The following SLC8A1 variants were observed in gnomAD, a reference collection of about 807,000 sequenced individuals.
The protein encoded by SLC8A1 is sodium/calcium exchanger 1.
A neutral mutation model predicts 68.3 loss-of-function variants in SLC8A1; 18 were observed. That is an observed-to-expected ratio of 0.26 (90% confidence interval 0.18 to 0.39). The LOEUF (loss-of-function observed/expected upper bound fraction) is 0.39, where lower values mean the gene tolerates loss of function less well. Among genes scored for constraint, SLC8A1 ranks in the 10% least tolerant of loss-of-function variants. The pLI is 1.00. For synonymous variants in SLC8A1, 475 were observed against 415.5 expected (o/e 1.14, Z -1.74); for missense variants, 985 against 1,156.7 (o/e 0.85, Z 2.15).
At chr2:40,295,609 G>A (rs1411159605) in intron 2 of SLC8A1, among the ~76,000 whole-genome samples, 3 of 152,052 alleles carry the variant, frequency 2.0e-5, no homozygotes, top group Non-Finnish European at 4.4e-5. Flanking sequence ...ATGCTAAAAG[G>A]GAGGATTACG....
At chr2:40,500,050 T>C (rs780467903) in intron 1 of SLC8A1, among the ~76,000 whole-genome samples, 4 of 152,112 alleles carry the variant, frequency 2.6e-5, no homozygotes, top group Non-Finnish European at 5.9e-5. Flanking sequence ...GTTTCTAGAC[T>C]GTGGTTTGTG....
chr2:40,506,781 C>T (rs1706397906), intron 1 of SLC8A1, among the ~76,000 whole-genome samples: 1 of 151,752 alleles, frequency 6.6e-6, no homozygotes, highest in Non-Finnish European at 1.5e-5. Flanking sequence ...TTAATGATAG[C>T]AAAATCATCT....
chr2:40,284,312 T>C (rs1352642132), intron 2 of SLC8A1, among the ~76,000 whole-genome samples: 4 of 148,558 alleles, frequency 2.7e-5, no homozygotes, highest in African/African-American at 4.9e-5. Flanking sequence ...AGAAATGTTA[T>C]AGATATTGAC....
chr2:40,212,300 T>TTTTTTTTC (rs1409196220), intron 2 of SLC8A1, among the ~76,000 whole-genome samples: 1 of 150,320 alleles, frequency 6.7e-6, no homozygotes, highest in Non-Finnish European at 1.5e-5. Flanking sequence ...TTTTTTTTTT[T>TTTTTTTTC]TCCTGAGACA....
chr2:40,339,419 T>A (rs1667010567), intron 2 of SLC8A1, among the ~76,000 whole-genome samples: 1 of 152,202 alleles, frequency 6.6e-6, no homozygotes, highest in East Asian at 1.9e-4. Context: ...TACAGAGAAG[T>A]TGAGGGCTCT....
chr2:40,388,289 A>ATG (rs1230399846), intron 2 of SLC8A1, among the ~76,000 whole-genome samples: 3 of 152,172 alleles, frequency 2.0e-5, no homozygotes, highest in African/African-American at 4.8e-5. Context: ...GATCACATTA[A>ATG]TGTGTGTGTG....
At chr2:40,389,789 A>C (rs1040759087) in intron 2 of SLC8A1, among the ~76,000 whole-genome samples, 1 of 151,048 alleles carries the variant, frequency 6.6e-6, no homozygotes, top group Non-Finnish European at 1.5e-5. Context: ...TATGATGGAC[A>C]CTTAAAAATT....
chr2:40,157,309 G>A (rs1171172130), intron 6 of SLC8A1, among the ~76,000 whole-genome samples: 1 of 151,874 alleles, frequency 6.6e-6, no homozygotes, highest in Non-Finnish European at 1.5e-5. Context: ...CTTTACATAT[G>A]AGCAAACTGA....
At chr2:40,117,632 A>G (rs904652935) in intron 7 of SLC8A1, among the ~76,000 whole-genome samples, 1 of 152,072 alleles carries the variant, frequency 6.6e-6, no homozygotes, top group Non-Finnish European at 1.5e-5. Context: ...AGCAGATATT[A>G]ATAACTGTCA....
intron 2 of SLC8A1, among the ~76,000 whole-genome samples, chr2:40,294,641 C>T (rs951462456): frequency 1.3e-5 from 2 of 152,102 alleles, no homozygotes; most frequent in Non-Finnish European, 1.5e-5. Flanking sequence ...TGCTTATAAG[C>T]AGATGCTTGA....
chr2:40,455,237 T>A (rs778087582), upstream of SLC8A1, among the ~76,000 whole-genome samples: 9 of 152,202 alleles, frequency 5.9e-5, no homozygotes, highest in Non-Finnish European at 1.2e-4. Flanking sequence ...TTTTATCTAG[T>A]CTATAGAAAA....
chr2:40,098,297 T>G (rs1175092642), exon 8 of SLC8A1: 1 of 152,044 alleles, frequency 6.6e-6, no homozygotes, highest in Non-Finnish European at 1.5e-5. Context: ...ATCTAATTAT[T>G]TTAAAAGACA....
At chr2:40,103,047 T>C (rs1423189441) in exon 8 of SLC8A1, 2 of 152,222 alleles carry the variant, frequency 1.3e-5, no homozygotes, top group East Asian at 1.9e-4. Flanking sequence ...AATTTTTGCT[T>C]ACCTTTCCCC....
chr2:40,200,241 T>TATATATATATATATATATAA (rs2054051024), intron 2 of SLC8A1, among the ~76,000 whole-genome samples: 2 of 12,754 alleles, frequency 1.6e-4, no homozygotes, highest in African/African-American at 4.1e-4. Context: ...TATATATAAA[T>TATATATATATATATATATAA]ATATATATAT....
intron 2 of SLC8A1, among the ~76,000 whole-genome samples, chr2:40,343,712 G>C (rs1333385425): frequency 6.6e-6 from 1 of 152,032 alleles, no homozygotes; most frequent in East Asian, 1.9e-4. Flanking sequence ...GTAGTGTAAA[G>C]GAAAAAGATG....
chr2:40,288,457 C>A (rs745387789), intron 2 of SLC8A1, among the ~76,000 whole-genome samples: 1 of 152,104 alleles, frequency 6.6e-6, no homozygotes, highest in South Asian at 2.1e-4. Context: ...TCTTGCTGGT[C>A]ATGGCTTGGC....
intron 2 of SLC8A1, among the ~76,000 whole-genome samples, chr2:40,311,197 T>C (rs901895798): frequency 1.3e-5 from 2 of 152,018 alleles, no homozygotes; most frequent in Admixed American, 6.6e-5. Flanking sequence ...GCCCAAAATA[T>C]GCACATAAAT....
chr2:40,264,808 C>T (rs1181438661), intron 2 of SLC8A1, among the ~76,000 whole-genome samples: 1 of 150,978 alleles, frequency 6.6e-6, no homozygotes, highest in Non-Finnish European at 1.5e-5. Flanking sequence ...ATGTAACAAA[C>T]CTGCACGTTG....
chr2:40,321,770 C>G (rs1331009713), intron 2 of SLC8A1, among the ~76,000 whole-genome samples: 1 of 152,074 alleles, frequency 6.6e-6, no homozygotes, highest in East Asian at 1.9e-4. Context: ...TGAGTCCCTC[C>G]CATGACACGT....
Sources: allele counts gnomAD v4.1 joint callset (sites outside exome capture counted in the v4.1 genomes callset), GRCh38; gene constraint gnomAD v4.1.1; transcripts MANE v1.5; gene names NCBI Gene and HGNC (gene_info 2026-07-23, HGNC 2026-07-21).